SCML4: variants seen among roughly 807,000 people sequenced by gnomAD.
SCML4 encodes sex comb on midleg-like protein 4.
Under a neutral mutation model 41.1 loss-of-function variants are expected in SCML4, and 34 were observed. That is an observed-to-expected ratio of 0.83 (90% CI 0.63 to 1.10). The LOEUF (loss-of-function observed/expected upper bound fraction) is 1.10. Among genes scored for constraint, SCML4 ranks in the 50% least tolerant of loss-of-function variants. The pLI is 0.00. For missense variants in SCML4, 522 were observed against 534.1 expected (o/e 0.98, Z 0.22); for synonymous variants, 214 against 220.9 (o/e 0.97, Z 0.28).
In SCML4 at chr6:107,772,286, G is replaced by A; in HGVS notation, c.42C>T (p.Pro14=). The A allele has an allele frequency of 6.4e-7, 1 of 1,551,726 alleles. No homozygotes were observed. The highest frequency in any genetic ancestry group is 8.7e-7 in the Non-Finnish European group (1 of 1,147,000). Residue 14 remains proline, a synonymous_variant, in exon 2 of 8, where the codon CCC becomes CCT. Transcript: ENST00000369020. ...QRIPGRKRGR[P]SLHSTPMKMA... is the part of the protein sequence containing the mutation. The stretch of plus-strand genomic sequence containing the variant: ...TCTTCATAGGCGTGGAGTGAAGTGA[G>A]GGTCGGCCTCGCTTTCTCCCCGGGA...
rs1205799577 is a variant in SCML4 at position 107,720,723 on chromosome 6, G to A, written c.953C>T (p.Ser318Phe). ...PASSPKRNTT[S>F]LEGNRCASSP... Reference sequence around the variant, plus strand: ...ATTACCACATCTGTTTCCTTCAAGAGAGGTCGTGTTTCTCTTGGGGCTGGA... The same window carrying A: ...ATTACCACATCTGTTTCCTTCAAGAAAGGTCGTGTTTCTCTTGGGGCTGGA... Residue 318 changes from serine to phenylalanine, a missense_variant, in exon 6 of 8, where the codon TCT (serine) becomes TTT (phenylalanine). Ser to Phe is a radical substitution (Grantham distance 155, BLOSUM62 -2). Coordinates refer to ENST00000369020, the MANE Select transcript of SCML4 (RefSeq NM_198081.5). The A allele has an allele frequency of 3.4e-5, 54 of 1,572,460 alleles. No homozygotes were observed. Among genetic ancestry groups the A allele is most frequent in the Non-Finnish European group, 4.6e-5 (54 of 1,163,074 alleles).
chr6:107,733,787 A>G (rs1027908851), intron 5 of SCML4, among the ~76,000 whole-genome samples: 12 of 152,330 alleles, frequency 7.9e-5, no homozygotes, highest in African/African-American at 1.2e-4. Flanking sequence ...CTTGGTTTCC[A>G]ACCCCTTGGA....
intron 5 of SCML4, among the ~76,000 whole-genome samples, chr6:107,727,246 T>C (rs1350453762): frequency 6.6e-6 from 1 of 151,926 alleles, no homozygotes; most frequent in Admixed American, 6.6e-5. Context: ...TGCTTAGGGA[T>C]TGGGGTTGGG....
At chr6:107,740,039 T>C in intron 5 of SCML4, 1 of 444,314 alleles carries the variant, frequency 2.3e-6, no homozygotes, top group Non-Finnish European at 4.6e-6. Context: ...AGTTATGAGC[T>C]AGGAAAGGGC....
chr6:107,795,532 CT>C (rs955827220), intron 1 of SCML4, among the ~76,000 whole-genome samples: 2 of 151,410 alleles, frequency 1.3e-5, no homozygotes, highest in Admixed American at 1.3e-4. Flanking sequence ...TAGAAATATT[CT>C]TTTTTTTTCT....
Position 107,781,292 on chromosome 6 carries a change from A to T in SCML4, c.-59-8906T>A, listed in dbSNP as rs1434299798. ...CTTGTCCTGAAAAAAATAGGAATTG[A>T]CCCAGGAACAAAAAGACTGGCTAGT... On this transcript the variant is annotated intron_variant, in intron 1 of 7. Transcript: ENST00000369020. Among the ~76,000 whole-genome samples the T allele has an allele frequency of 4.6e-5, 7 of 152,136 alleles. No individual in the cohort carries two copies. The East Asian group carries it at 7.7e-4, about 17-fold the overall frequency.
Position 107,708,016 on chromosome 6 carries a change from A to G in SCML4, c.974-5T>C. 1.9e-6 allele frequency: 3 copies of G among 1,550,076 alleles called. No homozygotes were observed. The highest frequency in any genetic ancestry group is 2.6e-6 in the Non-Finnish European group (3 of 1,146,978). On this transcript the variant is annotated splice_region_variant and splice_polypyrimidine_tract_variant and intron_variant, in intron 6 of 7. Coordinates refer to ENST00000369020, the MANE Select transcript of SCML4 (RefSeq NM_198081.5). Reference sequence around the variant, plus strand: ...CATCCTGAGAAGGGCTTGAGGCTGGATGGGGCACAGAGAGGGAGACCATGA... The same window carrying G: ...CATCCTGAGAAGGGCTTGAGGCTGGGTGGGGCACAGAGAGGGAGACCATGA...
chr6:107,772,344 CT>C lies in SCML4; in HGVS notation c.-18del, dbSNP rs1181209822. ...AGACTGCATTTCTGCTGGTGCCAGTCTTACAGAATGAGGTGACAAATCGCTC... is the reference window on the plus strand; with the variant it reads ...AGACTGCATTTCTGCTGGTGCCAGTCTACAGAATGAGGTGACAAATCGCTC... On this transcript the variant is annotated 5_prime_UTR_variant, in exon 2 of 8. Transcript: ENST00000369020. The C allele has an allele frequency of 2.6e-6, 4 of 1,546,038 alleles. No homozygotes were observed. The highest frequency in any genetic ancestry group is 1.7e-4 in the Middle Eastern group (1 of 5,892).
chr6:107,812,583 G>C (rs9386671), intron 1 of SCML4, among the ~76,000 whole-genome samples: 63,215 of 152,100 alleles, frequency 0.42, 16,173 homozygotes, highest in East Asian at 0.7. Context: ...ACCCACACGT[G>C]GGGGGACTTC....
chr6:107,736,599 G>C (rs919970969), intron 5 of SCML4, among the ~76,000 whole-genome samples: 1 of 152,182 alleles, frequency 6.6e-6, no homozygotes, highest in African/African-American at 2.4e-5. Flanking sequence ...TGACTAAATG[G>C]ATGGGTCCAT....
chr6:107,839,033 C>T, the SCML4 span, among the ~76,000 whole-genome samples: 1 of 152,128 alleles, frequency 6.6e-6, no homozygotes, highest in Admixed American at 6.6e-5. Context: ...GGTGCAGTGG[C>T]TCATGCCTGT....
chr6:107,729,522 A>C (rs1456849549), intron 5 of SCML4, among the ~76,000 whole-genome samples: 1 of 152,232 alleles, frequency 6.6e-6, no homozygotes, highest in African/African-American at 2.4e-5. Context: ...ATTTCCAAAA[A>C]GGGTTCCAGA....
At chr6:107,842,302 T>G in the SCML4 span, among the ~76,000 whole-genome samples, 1 of 152,228 alleles carries the variant, frequency 6.6e-6, no homozygotes. Flanking sequence ...TTCCAGTTTT[T>G]AAAGTGTTTT....
At chr6:107,767,252 G>A (rs1000037291) in intron 2 of SCML4, among the ~76,000 whole-genome samples, 30 of 151,974 alleles carry the variant, frequency 2.0e-4, no homozygotes, top group Non-Finnish European at 3.1e-4. Flanking sequence ...CACCACACCC[G>A]GCCTATTAAG....
At position 107,720,804 on chromosome 6, in the gene SCML4, C is replaced by T. The variant is rs769590136; in HGVS notation, c.872G>A (p.Arg291His). The T allele has an allele frequency of 2.2e-5, 35 of 1,613,782 alleles. No homozygotes were observed. The highest frequency in any genetic ancestry group is 1.7e-4 in the Middle Eastern group (1 of 6,034). ...GCCACCAGAAGACATGGGGCTAGTG[C>T]GGGGACCACCAGCGGTGGCAGCAGG... ...GGPAATAGGP[R>H]TSPMSSGGPS... Residue 291 changes from arginine (R) to histidine (H), a missense_variant, in exon 6 of 8, where the codon CGC (arginine) becomes CAC (histidine). Coordinates refer to ENST00000369020, the MANE Select transcript of SCML4 (RefSeq NM_198081.5).
chr6:107,795,601 C>G (rs1279766881), intron 1 of SCML4, among the ~76,000 whole-genome samples: 1 of 152,180 alleles, frequency 6.6e-6, no homozygotes, highest in Middle Eastern at 3.2e-3. Flanking sequence ...GATCTCAGCT[C>G]ACTGCAACCT....
intron 2 of SCML4, among the ~76,000 whole-genome samples, chr6:107,762,132 A>G (rs1779649809): frequency 2.6e-5 from 4 of 152,240 alleles, no homozygotes; most frequent in Admixed American, 2.6e-4. Context: ...AAAGTGTACT[A>G]AAGTCCTTGT....
chr6:107,715,073 C>G (rs1774633376), intron 6 of SCML4, among the ~76,000 whole-genome samples: 1 of 150,334 alleles, frequency 6.7e-6, no homozygotes, highest in Admixed American at 6.7e-5. Context: ...CTCCCAGGTT[C>G]AAGCGATTCT....
intron 1 of SCML4, among the ~76,000 whole-genome samples, chr6:107,787,395 G>C (rs1781984712): frequency 1.3e-5 from 2 of 151,944 alleles, no homozygotes; most frequent in Non-Finnish European, 1.5e-5. Flanking sequence ...AGCTGCGACT[G>C]TCACTCAGCC....
Sources: allele counts gnomAD v4.1 joint callset (sites outside exome capture counted in the v4.1 genomes callset), GRCh38; gene constraint gnomAD v4.1.1; transcripts MANE v1.5; gene names NCBI Gene and HGNC (gene_info 2026-07-23, HGNC 2026-07-21).